Variants in PAPSS1 observed in about 807,000 individuals in gnomAD.
PAPSS1 encodes the protein 3'-phosphoadenosine 5'-phosphosulfate synthase 1.
In PAPSS1, 50 loss-of-function variants were observed where a neutral mutation model predicts 72.0. The ratio of observed to expected loss-of-function variants is 0.69; its 90% CI spans 0.55 to 0.88. The LOEUF (loss-of-function observed/expected upper bound fraction) is 0.88, where lower values mean the gene tolerates loss of function less well. Ranked by LOEUF, PAPSS1 falls within the 40% of genes least tolerant of loss-of-function variation. The probability of loss-of-function intolerance (pLI) is 0.00; values close to 1 mark genes in which losing one functional copy is unlikely to be tolerated. For missense variants in PAPSS1, 657 were observed against 782.2 expected (o/e 0.84, Z 1.91); for synonymous variants, 261 against 263.6 (o/e 0.99, Z 0.09).
intron 5 of PAPSS1, among the ~76,000 whole-genome samples, chr4:107,677,797 CAAT>C (rs766224932): frequency 3.8e-4 from 58 of 152,266 alleles, no homozygotes; most frequent in Admixed American, 1.4e-3. Flanking sequence ...AAATGTCCAA[CAAT>C]GATAGACTGG....
At chr4:107,708,444 C>G (rs1356123234) in intron 1 of PAPSS1, among the ~76,000 whole-genome samples, 1 of 152,172 alleles carries the variant, frequency 6.6e-6, no homozygotes, top group African/African-American at 2.4e-5. Flanking sequence ...ACCTGTTTGG[C>G]TTGGTCATTT....
chr4:107,682,514 C>T (rs1021019386), intron 4 of PAPSS1, among the ~76,000 whole-genome samples: 1 of 152,160 alleles, frequency 6.6e-6, no homozygotes, highest in Non-Finnish European at 1.5e-5. Flanking sequence ...GCCAGGAGTA[C>T]TGATGTGGAG....
chr4:107,693,187 C>A (rs2110342372), intron 3 of PAPSS1, among the ~76,000 whole-genome samples: 1 of 152,234 alleles, frequency 6.6e-6, no homozygotes, highest in South Asian at 2.1e-4. Flanking sequence ...TAACCTAAGT[C>A]TCCATCTATA....
chr4:107,657,090 T>C (rs1727034871), intron 6 of PAPSS1, 83 bp from the exon 7 acceptor site: 5 of 856,134 alleles, frequency 5.8e-6, no homozygotes, highest in Non-Finnish European at 1.0e-5. Flanking sequence ...GAATTTAATT[T>C]TGAAAGCAAT....
chr4:107,650,974 T>C (rs578150124), intron 9 of PAPSS1, among the ~76,000 whole-genome samples: 32 of 152,216 alleles, frequency 2.1e-4, no homozygotes, highest in Middle Eastern at 6.8e-3. Context: ...AATCACACAC[T>C]GACAAAAAAG....
chr4:107,665,834 G>A (rs1727301133), intron 5 of PAPSS1, among the ~76,000 whole-genome samples: 1 of 152,046 alleles, frequency 6.6e-6, no homozygotes, highest in Admixed American at 6.6e-5. Flanking sequence ...GTTTTTACCT[G>A]GACACTGGCA....
At chr4:107,635,199 T>TAAA (rs1726338378) in intron 10 of PAPSS1, among the ~76,000 whole-genome samples, 1 of 152,184 alleles carries the variant, frequency 6.6e-6, no homozygotes, top group South Asian at 2.1e-4. Context: ...CTTTTTTAGA[T>TAAA]AGACTTCATC....
In PAPSS1 at chr4:107,656,902, G is replaced by T; in HGVS notation, c.889C>A (p.Leu297Met). ...YLQCLHFDCL[L>M]DGGVINLSVP... is the part of the protein sequence containing the mutation. ...TGAATGTAAAATGTCTTACCATCCA[G>T]AAGACAATCAAAATGAAGGCACTGC... The change falls in exon 7 of 12, where the codon CTG (leucine) becomes ATG (methionine). Residue 297 changes from leucine (L) to methionine (M), a missense_variant. Physicochemically the swap from Leu to Met is conservative, Grantham distance 15. Coordinates refer to ENST00000265174, the MANE Select transcript of PAPSS1 (RefSeq NM_005443.5). 1 of 1,579,744 alleles carries T rather than the reference G, an allele frequency of 6.3e-7. No homozygotes were observed. Among genetic ancestry groups the T allele is most frequent in the Non-Finnish European group, 8.7e-7 (1 of 1,148,720 alleles).
At chr4:107,639,403 C>T (rs1726478160) in intron 10 of PAPSS1, among the ~76,000 whole-genome samples, 1 of 152,160 alleles carries the variant, frequency 6.6e-6, no homozygotes, top group Non-Finnish European at 1.5e-5. Flanking sequence ...AGTTTTGTAA[C>T]TCACTTGGTA....
At chr4:107,695,339 T>C (rs1723040093) in intron 2 of PAPSS1, among the ~76,000 whole-genome samples, 1 of 152,166 alleles carries the variant, frequency 6.6e-6, no homozygotes, top group Non-Finnish European at 1.5e-5. Flanking sequence ...CACATTGATT[T>C]TGTATCCTGA....
At chr4:107,661,971 A>T (rs1727193887) in intron 5 of PAPSS1, among the ~76,000 whole-genome samples, 1 of 152,250 alleles carries the variant, frequency 6.6e-6, no homozygotes, top group Admixed American at 6.5e-5. Context: ...AGATGGAACA[A>T]GAGACAGTTC....
At chr4:107,636,905 A>C (rs1329360540) in intron 10 of PAPSS1, among the ~76,000 whole-genome samples, 1 of 152,184 alleles carries the variant, frequency 6.6e-6, no homozygotes, top group Non-Finnish European at 1.5e-5. Context: ...GGTTTACTCA[A>C]ATTTTTACTT....
chr4:107,647,038 C>T (rs927441142), intron 9 of PAPSS1, among the ~76,000 whole-genome samples: 5 of 152,160 alleles, frequency 3.3e-5, no homozygotes, highest in Admixed American at 2.6e-4. Flanking sequence ...CAACTTTACA[C>T]GACAGCCAGT....
intron 1 of PAPSS1, among the ~76,000 whole-genome samples, chr4:107,702,238 A>G (rs1167655471): frequency 6.6e-6 from 1 of 152,184 alleles, no homozygotes; most frequent in East Asian, 1.9e-4. Flanking sequence ...TGTTGCGAAA[A>G]TAGTAGTCAT....
At chr4:107,687,434 A>G (rs979460436) in intron 3 of PAPSS1, among the ~76,000 whole-genome samples, 1 of 152,210 alleles carries the variant, frequency 6.6e-6, no homozygotes, top group African/African-American at 2.4e-5. Flanking sequence ...ATGTACCACA[A>G]ACTTTTTCAC....
chr4:107,708,484 T>C (rs985912526), intron 1 of PAPSS1, among the ~76,000 whole-genome samples: 5 of 152,258 alleles, frequency 3.3e-5, no homozygotes, highest in African/African-American at 1.2e-4. Context: ...GTTACTTCAC[T>C]CTTTATAGAC....
chr4:107,663,908 CATG>C (rs750267213), intron 5 of PAPSS1, among the ~76,000 whole-genome samples: 4 of 152,188 alleles, frequency 2.6e-5, no homozygotes, highest in Non-Finnish European at 5.9e-5. Context: ...TTCTTATTTT[CATG>C]ATTTTATTAA....
chr4:107,690,861 G>A lies in PAPSS1; in HGVS notation c.411+2910C>T, dbSNP rs368347106. On this transcript the variant is annotated intron_variant, in intron 3 of 11. Transcript: ENST00000265174. ...ACACACTCTTAGATACCCAGGTGTC[G>A]GCTGATAGCTCTCCATAACAGGTAT... 2.6e-4 allele frequency among the ~76,000 whole-genome samples: 40 copies of A among 152,068 alleles called. 1 individual carries two copies. Among genetic ancestry groups the A allele is most frequent in the African/African-American group, 9.2e-4 (38 of 41,484 alleles).
At chr4:107,715,290 G>C (rs1456249316) in intron 1 of PAPSS1, among the ~76,000 whole-genome samples, 1 of 152,196 alleles carries the variant, frequency 6.6e-6, no homozygotes, top group Non-Finnish European at 1.5e-5. Flanking sequence ...TCTTATTGCT[G>C]TTATTGGTAG....
Sources: allele counts gnomAD v4.1 joint callset (sites outside exome capture counted in the v4.1 genomes callset), GRCh38; gene constraint gnomAD v4.1.1; transcripts MANE v1.5; gene names NCBI Gene and HGNC (gene_info 2026-07-23, HGNC 2026-07-21).